Variants in EYS observed in about 807,000 individuals in gnomAD.
EYS encodes the protein EGF-like photoreceptor maintenance factor.
EYS carries 250 observed loss-of-function variants against 282.1 expected under a neutral mutation model. That is an observed-to-expected ratio of 0.89 (90% CI 0.80 to 0.98). The LOEUF is 0.98. EYS is among the 50% of genes least tolerant of loss of function. The pLI is 0.00. For missense variants in EYS, 4,016 were observed against 3,709.0 expected (o/e 1.08, Z -2.15); for synonymous variants, 1,355 against 1,282.9 (o/e 1.06, Z -1.20).
chr6:64,073,294 G>A (rs1239800076), intron 32 of EYS, among the ~76,000 whole-genome samples: 1 of 151,686 alleles, frequency 6.6e-6, no homozygotes, highest in African/African-American at 2.4e-5. Flanking sequence ...ATGGTAGGTG[G>A]GAAAGTAGAG....
intron 12 of EYS, among the ~76,000 whole-genome samples, chr6:65,273,457 A>T (rs1483320763): frequency 2.6e-5 from 4 of 151,264 alleles, no homozygotes; most frequent in Admixed American, 2.6e-4. Flanking sequence ...CAAAGAAAAG[A>T]ACAAACTTTA....
intron 41 of EYS, 86 bp from the exon 42 acceptor site, chr6:63,726,766 A>G: frequency 8.1e-7 from 1 of 1,228,562 alleles, no homozygotes; most frequent in Non-Finnish European, 1.1e-6. Context: ...TGCTTATGTA[A>G]TTTTGTAATT....
intron 22 of EYS, among the ~76,000 whole-genome samples, chr6:64,767,949 T>G (rs73448436): frequency 0.06 from 9,159 of 152,140 alleles, 938 homozygotes; most frequent in African/African-American, 0.21. Flanking sequence ...TCATTTGGTA[T>G]TTTTTTGTGT....
At chr6:64,467,010 AG>A (rs1775941224) in intron 26 of EYS, among the ~76,000 whole-genome samples, 4 of 152,192 alleles carry the variant, frequency 2.6e-5, no homozygotes. Flanking sequence ...AGGTATCCAA[AG>A]TTCACTACAA....
chr6:64,991,785 T>C (rs9363308), intron 14 of EYS, among the ~76,000 whole-genome samples: 10,255 of 151,786 alleles, frequency 0.068, 441 homozygotes, highest in East Asian at 0.13. Flanking sequence ...AAAGATGCTA[T>C]GAAATATGCT....
At chr6:64,310,747 A>G (rs1331072947) in intron 29 of EYS, among the ~76,000 whole-genome samples, 1 of 146,112 alleles carries the variant, frequency 6.8e-6, no homozygotes, top group African/African-American at 2.5e-5. Context: ...AGTTAAAAGA[A>G]AAAACATATT....
chr6:63,796,591 T>C (rs184036718), intron 37 of EYS, among the ~76,000 whole-genome samples: 21 of 152,346 alleles, frequency 1.4e-4, no homozygotes, highest in Non-Finnish European at 2.6e-4. Flanking sequence ...ACTATTATTC[T>C]AATATGGTAA....
At chr6:64,612,266 T>G (rs1044076489) in intron 24 of EYS, among the ~76,000 whole-genome samples, 6 of 152,128 alleles carry the variant, frequency 3.9e-5, no homozygotes, top group African/African-American at 1.4e-4. Context: ...ATTTAAGGGC[T>G]GTAATTAACA....
At chr6:63,999,388 C>A (rs1320083521) in intron 33 of EYS, among the ~76,000 whole-genome samples, 2 of 152,176 alleles carry the variant, frequency 1.3e-5, no homozygotes, top group African/African-American at 4.8e-5. Flanking sequence ...TATTTTCCTT[C>A]TCTCCTACTG....
intron 26 of EYS, among the ~76,000 whole-genome samples, chr6:64,471,607 A>G (rs762905474): frequency 5.3e-5 from 8 of 152,190 alleles, no homozygotes; most frequent in Non-Finnish European, 1.2e-4. Flanking sequence ...ATGAAAGGAT[A>G]CTCAATGCTC....
intron 35 of EYS, among the ~76,000 whole-genome samples, chr6:63,881,837 A>C (rs1562076862): frequency 1.3e-5 from 2 of 152,200 alleles, no homozygotes; most frequent in South Asian, 4.1e-4. Context: ...AATTAAAGTA[A>C]AATAGAAACA....
intron 12 of EYS, among the ~76,000 whole-genome samples, chr6:65,208,021 T>C (rs2150250179): frequency 6.6e-6 from 1 of 151,822 alleles, no homozygotes; most frequent in East Asian, 1.9e-4. Context: ...AACTGGGAAT[T>C]AAACTGAAAA....
intron 7 of EYS, among the ~76,000 whole-genome samples, chr6:65,399,280 G>A (rs1033364746): frequency 3.3e-5 from 5 of 151,836 alleles, no homozygotes; most frequent in African/African-American, 1.2e-4. Context: ...CTTAGAGTAG[G>A]AAAGTTTCTG....
intron 31 of EYS, among the ~76,000 whole-genome samples, chr6:64,154,619 C>T (rs935154494): frequency 1.3e-5 from 2 of 151,794 alleles, no homozygotes; most frequent in Admixed American, 1.3e-4. Flanking sequence ...AAATATTTTA[C>T]AATAAACATA....
At chr6:64,457,708 T>C (rs774587101) in intron 26 of EYS, among the ~76,000 whole-genome samples, 1 of 152,006 alleles carries the variant, frequency 6.6e-6, no homozygotes, top group Non-Finnish European at 1.5e-5. Context: ...CTGAAATATC[T>C]TTTTTCAGTT....
intron 28 of EYS, among the ~76,000 whole-genome samples, chr6:64,421,457 A>C (rs750685926): frequency 1.1e-4 from 16 of 152,132 alleles, no homozygotes; most frequent in Admixed American, 2.6e-4. Context: ...GCAATTTAGG[A>C]TGATGTCATT....
intron 35 of EYS, among the ~76,000 whole-genome samples, chr6:63,962,475 A>G (rs1409690971): frequency 6.6e-6 from 1 of 152,248 alleles, no homozygotes; most frequent in East Asian, 1.9e-4. Context: ...TTCTCAAAAG[A>G]AGAAATTTAT....
intron 41 of EYS, among the ~76,000 whole-genome samples, chr6:63,759,777 A>C (rs1164034518): frequency 6.6e-6 from 1 of 152,148 alleles, no homozygotes; most frequent in Non-Finnish European, 1.5e-5. Context: ...AGGAAAACAC[A>C]GTAATAATTC....
chr6:63,935,190 C>T (rs943701568), intron 35 of EYS, among the ~76,000 whole-genome samples: 1 of 152,184 alleles, frequency 6.6e-6, no homozygotes, highest in Non-Finnish European at 1.5e-5. Context: ...ATAGAAGCTG[C>T]CTAAAGCAGG....
Sources: allele counts gnomAD v4.1 joint callset (sites outside exome capture counted in the v4.1 genomes callset), GRCh38; gene constraint gnomAD v4.1.1; transcripts MANE v1.5; gene names NCBI Gene and HGNC (gene_info 2026-07-23, HGNC 2026-07-21).